The following JAG2 variants were observed in gnomAD, a reference collection of about 807,000 sequenced individuals.
JAG2 encodes jagged canonical Notch ligand 2.
JAG2 carries 46 observed loss-of-function variants against 141.7 expected under a neutral mutation model. The observed-to-expected ratio is 0.32, with a 90% CI of 0.26 to 0.42. JAG2 has a LOEUF of 0.42. Ranked by LOEUF, JAG2 falls within the 10% of genes least tolerant of loss-of-function variation. The pLI, the probability that JAG2 is intolerant of heterozygous loss-of-function variation, is 1.00. For synonymous variants in JAG2, 862 were observed against 763.5 expected, an observed-to-expected ratio of 1.13 and a Z score of -2.13; for missense variants, 1,500 against 1,817.5, an observed-to-expected ratio of 0.83 and a Z score of 3.18.
Position 105,154,773 on chromosome 14 carries a change from G to A in JAG2, c.788+789C>T, listed in dbSNP as rs1888531265. Among the ~76,000 whole-genome samples the A allele has an allele frequency of 6.6e-6, 1 of 152,032 alleles. No homozygotes were observed. The highest frequency in any genetic ancestry group is 1.5e-5 in the Non-Finnish European group (1 of 67,982). Reference sequence around the variant, plus strand: ...CTGGGTGTCTCCAGGGACAGGGCAGGCATCGCCTCTCCACATCCAGCTAAC... The same window carrying A: ...CTGGGTGTCTCCAGGGACAGGGCAGACATCGCCTCTCCACATCCAGCTAAC... On this transcript the variant is annotated intron_variant, in intron 5 of 25. Coordinates refer to ENST00000331782, the MANE Select transcript of JAG2 (RefSeq NM_002226.5). The surrounding 1 kb of genome is among the most constrained non-coding windows in gnomAD (Gnocchi z 4.4).
At chr14:105,159,248 T>C (rs1263302392) in intron 2 of JAG2, among the ~76,000 whole-genome samples, 1 of 150,922 alleles carries the variant, frequency 6.6e-6, no homozygotes, top group African/African-American at 2.4e-5. Flanking sequence ...CCCGAGCCCC[T>C]GCCTGCAGAA....
chr14:105,148,839 G>A lies in JAG2; in HGVS notation c.1926C>T (p.Gly642=). The part of the protein sequence containing the change: ...YCHENIDDCL[G]QPCRNGGTCI... ...ATGTGCCCCCATTGCGGCAGGGCTG[G>A]CCCAGGCAGTCGTCAATGTCTGCAG... Residue 642 remains glycine (G), a synonymous_variant, in exon 15 of 26, where the codon GGC becomes GGT. Transcript: ENST00000331782. The A allele has an allele frequency of 6.3e-7, 1 of 1,593,538 alleles. No individual in the cohort carries two copies. The highest frequency in any genetic ancestry group is 2.3e-5 in the East Asian group (1 of 43,902).
At chr14:105,148,047 C>A in intron 17 of JAG2, 69 bp downstream of exon 17, 2 of 1,331,700 alleles carry the variant, frequency 1.5e-6, no homozygotes, top group Non-Finnish European at 2.1e-6. Flanking sequence ...CTCGGCCCAT[C>A]GCGCCCGAGG....
At position 105,167,515 on chromosome 14, in the gene JAG2, GGACGCCGCCGCCCCGCCCCCGCCGC is replaced by G. The variant is rs1888954482; in HGVS notation, c.417+217_417+241del. Among the ~76,000 whole-genome samples, 1 of 148,518 alleles carries G rather than the reference GGACGCCGCCGCCCCGCCCCCGCCGC, an allele frequency of 6.7e-6. No individual in the cohort carries two copies. The highest frequency in any genetic ancestry group is 2.1e-4 in the South Asian group (1 of 4,822). ...CACGCCGCACACCGCCGCGCACGCG[GGACGCCGCCGCCCCGCCCCCGCCGC>G]GACCCCGCTCCCGGTGGCCCCGGGG... On this transcript the variant is annotated intron_variant, in intron 2 of 25. Coordinates refer to ENST00000331782, the MANE Select transcript of JAG2 (RefSeq NM_002226.5). The surrounding 1 kb of genome is among the most constrained non-coding windows in gnomAD (Gnocchi z 4.8).
At chr14:105,150,818 ACG>A in intron 11 of JAG2, 41 bp from the exon 12 acceptor site, 1 of 1,571,786 alleles carries the variant, frequency 6.4e-7, no homozygotes, top group Non-Finnish European at 8.6e-7. Flanking sequence ...AGGCACCCTG[ACG>A]GCCCCGCAGC....
chr14:105,147,651 T>C, intron 18 of JAG2, 121 bp downstream of exon 18: 1 of 1,163,070 alleles, frequency 8.6e-7, no homozygotes, highest in South Asian at 1.3e-5. Context: ...AGGGTGCCTT[T>C]TGCTGGGGGC....
chr14:105,142,836 C>T lies in JAG2; in HGVS notation c.3576G>A (p.Glu1192=). 6.2e-7 allele frequency: 1 copy of T among 1,610,356 alleles called. No individual in the cohort carries two copies. Among genetic ancestry groups the T allele is most frequent in the Non-Finnish European group, 8.5e-7 (1 of 1,178,756 alleles). The change falls in exon 26 of 26, where the codon GAG becomes GAA. Residue 1192 remains glutamate (E), a synonymous_variant. Transcript: ENST00000331782. ...ATTTGTGTGAGAGGAACTTCTCCGC[C>T]TCCAGGGAGTCCTCCTCACCGCGGC... ...DLGRGEEDSL[E]AEKFLSHKFT...
rs1888444103 is a variant in JAG2, at chr14:105,151,878, G to A, written c.1039+60C>T. 7.4e-6 allele frequency: 12 copies of A among 1,611,126 alleles called. No homozygotes were observed. The Admixed American group carries it at 8.3e-5, about 11-fold the overall frequency. ...GACGCCAGAGGGATGGGGCCTGACC[G>A]GCTCCCCAGGGAACCAGTCCCTGCC... On this transcript the variant is annotated intron_variant, in intron 7 of 25. Transcript: ENST00000331782.
intron 9 of JAG2, 70 bp downstream of exon 9, chr14:105,151,213 C>CTCAGCCCCA: frequency 7.3e-7 from 1 of 1,372,522 alleles, no homozygotes. Flanking sequence ...CAGCAGCCCC[C>CTCAGCCCCA]GCAGCCCCAG....
chr14:105,148,983 A>G lies in JAG2; in HGVS notation c.1860T>C (p.Phe620=). Residue 620 remains phenylalanine (F), a synonymous_variant, in exon 14 of 26, where the codon TTT becomes TTC. Coordinates refer to ENST00000331782, the MANE Select transcript of JAG2 (RefSeq NM_002226.5). ...TAAAGCCACTGTCACAGATGCAGGA[A>G]AAGTTGCCCCCTGGCTGGCTGACGC... ...GRCVSQPGGN[F]SCICDSGFTG... The G allele has an allele frequency of 6.2e-7, 1 of 1,608,288 alleles. No homozygotes were observed. Among genetic ancestry groups the G allele is most frequent in the Non-Finnish European group, 8.5e-7 (1 of 1,178,002 alleles).
intron 24 of JAG2, 70 bp from the exon 25 acceptor site, chr14:105,143,708 T>C: frequency 6.4e-7 from 1 of 1,563,502 alleles, no homozygotes; most frequent in South Asian, 1.1e-5. Flanking sequence ...CCCCCAACAC[T>C]GAGGCCCTGG....
chr14:105,152,095 C>G, intron 6 of JAG2, 38 bp from the exon 7 acceptor site: 3 of 1,612,856 alleles, frequency 1.9e-6, no homozygotes, highest in Non-Finnish European at 1.7e-6. Context: ...GAAAAGCCGG[C>G]CCCCCGCTCC....
In JAG2 at chr14:105,154,890, C is replaced by T. The variant is rs891548023; in HGVS notation, c.788+672G>A. ...GGTTCTCCCTGACTCCACACCCTTC[C>T]TGCTTGATCAAATCCATCCACAAAC... On this transcript the variant is annotated intron_variant, in intron 5 of 25. Transcript: ENST00000331782. The surrounding 1 kb of genome is among the most constrained non-coding windows in gnomAD (Gnocchi z 4.4). 2.0e-5 allele frequency among the ~76,000 whole-genome samples: 3 copies of T among 151,992 alleles called. No homozygotes were observed. The highest frequency in any genetic ancestry group is 2.9e-5 in the Non-Finnish European group (2 of 67,990).
intron 12 of JAG2, 92 bp downstream of exon 12, chr14:105,150,512 C>A: frequency 7.5e-7 from 1 of 1,329,070 alleles, no homozygotes; most frequent in Non-Finnish European, 1.0e-6. Flanking sequence ...CTGCAGCACC[C>A]CTGGGTCACT....
Position 105,151,397 on chromosome 14 carries a change from C to A in JAG2, c.1154-1G>T. ...GGGTTCGAAGCACACTCATCGATGTCTGCAGAGGGTGGAGAAAGGTGGGGC... is the reference window on the plus strand; with the variant it reads ...GGGTTCGAAGCACACTCATCGATGTATGCAGAGGGTGGAGAAAGGTGGGGC... On this transcript the variant is annotated splice_acceptor_variant, in intron 8 of 25. Transcript: ENST00000331782. LOFTEE classifies it high-confidence loss of function. The A allele has an allele frequency of 6.2e-7, 1 of 1,609,946 alleles. No homozygotes were observed. Among genetic ancestry groups the A allele is most frequent in the Non-Finnish European group, 8.5e-7 (1 of 1,179,662 alleles).
At chr14:105,151,182 G>GCCCAGCAGCCCCAGCAGCCCCAGCAGC in intron 9 of JAG2, 78 bp from the exon 10 acceptor site, 10 of 1,252,318 alleles carry the variant, frequency 8.0e-6, no homozygotes, top group Non-Finnish European at 1.1e-5. Context: ...GGCACCCGCA[G>GCCCAGCAGCCCCAGCAGCCCCAGCAGC]CCCAGCAGCC....
At position 105,149,160 on chromosome 14, in the gene JAG2, C is replaced by T. The variant is rs756342804; in HGVS notation, c.1753+10G>A. On this transcript the variant is annotated intron_variant, in intron 13 of 25. Transcript: ENST00000331782. ...CCACCTCCCCCACCACCCCATGCCGCACCCAGCACCTCTGCAGGCCCCGCC... is the reference window on the plus strand; with the variant it reads ...CCACCTCCCCCACCACCCCATGCCGTACCCAGCACCTCTGCAGGCCCCGCC... 2 of 1,607,200 alleles carry T rather than the reference C, an allele frequency of 1.2e-6. No individual in the cohort carries two copies. The highest frequency in any genetic ancestry group is 1.7e-5 in the Admixed American group (1 of 59,748).
chr14:105,157,883 C>T, intron 2 of JAG2, 120 bp from the exon 3 acceptor site: 1 of 925,390 alleles, frequency 1.1e-6, no homozygotes, highest in Non-Finnish European at 1.7e-6. Context: ...GGCCCTTCCT[C>T]CCCAGCCAGG....
chr14:105,152,749 A>G (rs1340027509), intron 5 of JAG2, among the ~76,000 whole-genome samples: 1 of 151,990 alleles, frequency 6.6e-6, no homozygotes, highest in East Asian at 1.9e-4. Flanking sequence ...CCTCGCCCCC[A>G]CCTCAAAGGC....
Sources: allele counts gnomAD v4.1 joint callset (sites outside exome capture counted in the v4.1 genomes callset), GRCh38; gene constraint gnomAD v4.1.1; non-coding constraint Gnocchi (gnomAD v3.1); transcripts MANE v1.5; gene names NCBI Gene and HGNC (gene_info 2026-07-23, HGNC 2026-07-21).